Variants in PPP1R16A observed in about 807,000 individuals in gnomAD.
The protein encoded by PPP1R16A is myosin phosphatase-targeting subunit 3.
PPP1R16A carries 39 observed loss-of-function variants against 46.6 expected under a neutral mutation model. The ratio of observed to expected loss-of-function variants is 0.84; its 90% CI spans 0.65 to 1.09. The LOEUF is 1.09. Among genes scored for constraint, PPP1R16A ranks in the 50% least tolerant of loss-of-function variants. PPP1R16A has a pLI of 0.00. For synonymous variants in PPP1R16A, 413 were observed against 321.5 expected (o/e 1.28, Z -3.04); for missense variants, 798 against 735.6 (o/e 1.08, Z -0.98).
chr8:144,484,572 G>T (rs1825568785), intron 1 of PPP1R16A, among the ~76,000 whole-genome samples: 1 of 152,222 alleles, frequency 6.6e-6, no homozygotes. Flanking sequence ...TTAGGCATCT[G>T]GGCCTTTGAC....
At position 144,501,248 on chromosome 8, in the gene PPP1R16A, A is replaced by G; in HGVS notation, c.1157A>G (p.Asn386Ser). The change falls in exon 11 of 12, where the codon AAC (asparagine) becomes AGC (serine). Residue 386 changes from asparagine (N) to serine (S), a missense_variant. By Grantham distance (46) the Asn-to-Ser change is conservative. Coordinates refer to ENST00000435887, the MANE Select transcript of PPP1R16A (RefSeq NM_001329443.2). The stretch of plus-strand genomic sequence containing the variant: ...ACCAGCCCGGAGCCGCCCGAGGACA[A>G]CGATGACCGCCAGACAGGCGCAGAG... ...PPTSPEPPED[N>S]DDRQTGAELR... The G allele has an allele frequency of 6.2e-7, 1 of 1,604,406 alleles. No individual in the cohort carries two copies. The highest frequency in any genetic ancestry group is 8.5e-7 in the Non-Finnish European group (1 of 1,178,754).
chr8:144,497,431 T>C lies in PPP1R16A; in HGVS notation c.237T>C (p.Ala79=). Residue 79 remains alanine (A), a synonymous_variant, in exon 3 of 12, where the codon GCT becomes GCC. Coordinates refer to ENST00000435887, the MANE Select transcript of PPP1R16A (RefSeq NM_001329443.2). Reference sequence around the variant, plus strand: ...CCAGTGTTGTCCTTCTGGAGGCCGCTGCCCGAAATGACCTGGAAGAAGGTG... The same window carrying C: ...CCAGTGTTGTCCTTCTGGAGGCCGCCGCCCGAAATGACCTGGAAGAAGGTG... ...FPPSVVLLEA[A]ARNDLEEVRQ... 1 of 1,612,974 alleles carries C rather than the reference T, an allele frequency of 6.2e-7. No individual in the cohort carries two copies. The highest frequency in any genetic ancestry group is 8.5e-7 in the Non-Finnish European group (1 of 1,180,006).
chr8:144,500,225 A>T (rs201426715), intron 6 of PPP1R16A, 26 bp downstream of exon 6: 1 of 1,588,292 alleles, frequency 6.3e-7, no homozygotes, highest in Non-Finnish European at 8.6e-7. Flanking sequence ...CGGCTGTGGG[A>T]GGGCTGCCGG....
At chr8:144,498,502 C>T in intron 3 of PPP1R16A, 2 of 491,446 alleles carry the variant, frequency 4.1e-6, no homozygotes, top group Non-Finnish European at 7.3e-6. Context: ...TGCTCTCACA[C>T]AGGAGCACGG....
chr8:144,485,201 G>T (rs372875498), intron 1 of PPP1R16A, among the ~76,000 whole-genome samples: 443 of 40,918 alleles, frequency 0.011, 1 homozygote, highest in African/African-American at 0.032. Context: ...CAGTAAAAAA[G>T]AATAGAATCT....
At chr8:144,499,969 AG>A in intron 5 of PPP1R16A, 126 bp from the exon 6 acceptor site, 1 of 878,520 alleles carries the variant, frequency 1.1e-6, no homozygotes, top group Non-Finnish European at 1.7e-6. Context: ...TCCCAGCAGC[AG>A]GTGGACAGGG....
intron 5 of PPP1R16A, chr8:144,499,877 C>T (rs1176340351): frequency 3.6e-6 from 2 of 557,180 alleles, no homozygotes; most frequent in African/African-American, 1.9e-5. Context: ...GAACCTGGAT[C>T]CCTGGATGGA....
intron 1 of PPP1R16A, chr8:144,478,375 G>T (rs1050099173): frequency 2.8e-6 from 1 of 351,168 alleles, no homozygotes; most frequent in African/African-American, 2.1e-5. Context: ...AGACGCGGCT[G>T]CCGGCACGCG....
chr8:144,492,821 T>C (rs566542525), intron 2 of PPP1R16A, among the ~76,000 whole-genome samples: 8 of 152,308 alleles, frequency 5.3e-5, no homozygotes, highest in African/African-American at 1.7e-4. Flanking sequence ...CTCTCTTTTC[T>C]TTCTTTGAAT....
At chr8:144,486,852 G>A (rs1825643131) in intron 1 of PPP1R16A, among the ~76,000 whole-genome samples, 1 of 152,126 alleles carries the variant, frequency 6.6e-6, no homozygotes, top group Admixed American at 6.5e-5. Flanking sequence ...TTTTAATCTT[G>A]TCAAGGTCCA....
At chr8:144,489,697 T>C (rs998570458) in intron 1 of PPP1R16A, among the ~76,000 whole-genome samples, 1 of 152,146 alleles carries the variant, frequency 6.6e-6, no homozygotes. Flanking sequence ...CTGATGTGCA[T>C]CCTGCAACTC....
Position 144,491,014 on chromosome 8 carries a change from G to A in PPP1R16A, c.-735+802G>A, listed in dbSNP as rs1825792234. On this transcript the variant is annotated intron_variant, in intron 2 of 11. Coordinates refer to ENST00000435887, the MANE Select transcript of PPP1R16A (RefSeq NM_001329443.2). ...GTTGAGGCTGCAGTGAGCTGTGACG[G>A]CAGCACTGCACTCCAGCGTGGGGAC... Among the ~76,000 whole-genome samples, 2 of 151,858 alleles carry A rather than the reference G, an allele frequency of 1.3e-5. 1 individual carries two copies. The highest frequency in any genetic ancestry group is 4.1e-4 in the South Asian group (2 of 4,820).
In PPP1R16A at chr8:144,501,232, G is replaced by A; in HGVS notation, c.1141G>A (p.Glu381Lys). Residue 381 changes from glutamate to lysine, a missense_variant, in exon 11 of 12, where the codon GAG becomes AAG. Coordinates refer to ENST00000435887, the MANE Select transcript of PPP1R16A (RefSeq NM_001329443.2). Reference sequence around the variant, plus strand: ...GCAACAGCCGCCGCCCACCAGCCCGGAGCCGCCCGAGGACAACGATGACCG... The same window carrying A: ...GCAACAGCCGCCGCCCACCAGCCCGAAGCCGCCCGAGGACAACGATGACCG... ...VWQQPPPTSP[E>K]PPEDNDDRQT... 6.2e-7 allele frequency: 1 copy of A among 1,606,272 alleles called. No individual in the cohort carries two copies. The highest frequency in any genetic ancestry group is 1.7e-4 in the Middle Eastern group (1 of 6,058).
chr8:144,492,441 T>C (rs1429969827), intron 2 of PPP1R16A, among the ~76,000 whole-genome samples: 1 of 151,416 alleles, frequency 6.6e-6, no homozygotes, highest in African/African-American at 2.4e-5. Flanking sequence ...ATTCAAGTGA[T>C]TCTTCTGCCT....
Position 144,501,842 on chromosome 8 carries a change from A to G in PPP1R16A, c.1526A>G (p.Lys509Arg). 1.3e-6 allele frequency: 2 copies of G among 1,549,916 alleles called. No homozygotes were observed. The highest frequency in any genetic ancestry group is 8.7e-7 in the Non-Finnish European group (1 of 1,148,640). ...GCAGGCGGGGACCCACCCCTGCTCA[A>G]GCTCACAGCCCCGGCGGTGGAGGCT... ...FRAGGDPPLL[K>R]LTAPAVEAPV... Residue 509 changes from lysine to arginine, a missense_variant, in exon 12 of 12, where the codon AAG becomes AGG. Lys to Arg is a conservative substitution (Grantham distance 26). Transcript: ENST00000435887.
intron 5 of PPP1R16A, chr8:144,499,661 C>T (rs1826306081): frequency 1.0e-5 from 2 of 200,396 alleles, no homozygotes; most frequent in Non-Finnish European, 2.0e-5. Context: ...TAGGCCTGCT[C>T]CTCCACTGCA....
In PPP1R16A at chr8:144,500,317, A is replaced by AT; in HGVS notation, c.632dup (p.Met211IlefsTer51). ...CGCCCGGGCCGTGCCAGAACTGCGCATGCTGGACGACATCCGGAGCCGGCT... is the reference window on the plus strand; with the variant it reads ...CGCCCGGGCCGTGCCAGAACTGCGCATTGCTGGACGACATCCGGAGCCGGCT... On this transcript the variant is annotated frameshift_variant, in exon 7 of 12. Coordinates refer to ENST00000435887, the MANE Select transcript of PPP1R16A (RefSeq NM_001329443.2). LOFTEE classifies it high-confidence loss of function. 3 of 1,540,770 alleles carry AT rather than the reference A, an allele frequency of 1.9e-6. No homozygotes were observed. The highest frequency in any genetic ancestry group is 2.6e-6 in the Non-Finnish European group (3 of 1,146,672).
chr8:144,497,191 C>CA lies in PPP1R16A; in HGVS notation c.-4_-3insA, dbSNP rs772722115. On this transcript the variant is annotated 5_prime_UTR_variant, in exon 3 of 12. Transcript: ENST00000435887. ...AGCAGCCCTGTGGGCAAGCAGCCGC[C>CA]GCCATGGCCGAGCACCTGGAGCTGC... The CA allele has an allele frequency of 1.9e-6, 3 of 1,557,916 alleles. No individual in the cohort carries two copies. The highest frequency in any genetic ancestry group is 2.6e-6 in the Non-Finnish European group (3 of 1,153,976).
intron 3 of PPP1R16A, chr8:144,498,167 G>A (rs116281549): frequency 4.5e-6 from 2 of 440,508 alleles, no homozygotes; most frequent in Admixed American, 2.4e-5. Context: ...GAGGCCTGGA[G>A]GCAGAGGGAA....
Sources: allele counts gnomAD v4.1 joint callset (sites outside exome capture counted in the v4.1 genomes callset), GRCh38; gene constraint gnomAD v4.1.1; transcripts MANE v1.5; gene names NCBI Gene and HGNC (gene_info 2026-07-23, HGNC 2026-07-21).